The following GALR2 variants were observed in gnomAD, a reference collection of about 807,000 sequenced individuals.
GALR2 encodes galanin receptor type 2.
GALR2 carries 5 observed loss-of-function variants against 7.2 expected under a neutral mutation model. That is an observed-to-expected ratio of 0.69 (90% CI 0.36 to 1.45). The LOEUF (loss-of-function observed/expected upper bound fraction) is 1.45, where lower values mean the gene tolerates loss of function less well. Ranked by LOEUF, GALR2 falls within the 40% of genes most tolerant of loss-of-function variation. GALR2 has a pLI of 0.03. For missense variants in GALR2, 561 were observed against 555.7 expected, an observed-to-expected ratio of 1.01 and a Z score of -0.10; for synonymous variants, 300 against 263.9, an observed-to-expected ratio of 1.14 and a Z score of -1.32.
In GALR2 at chr17:76,075,910, G is replaced by A. The variant is rs985004844; in HGVS notation, c.368+659G>A. 4.6e-5 allele frequency among the ~76,000 whole-genome samples: 7 copies of A among 152,216 alleles called. No homozygotes were observed. ...AACAAGTCGGGGCCGGGAGAGGAGC[G>A]TGCCCTGGGGTTCTTCCTCCCCAGC... On this transcript the variant is annotated intron_variant, in intron 1 of 1. Transcript: ENST00000329003. The surrounding 1 kb of genome is among the most constrained non-coding windows in gnomAD (Gnocchi z 5.9).
chr17:76,072,626 G>T (rs1043524114), upstream of GALR2: 2 of 1,438,190 alleles, frequency 1.4e-6, no homozygotes, highest in African/African-American at 3.0e-5. This position sits in a 1 kb window ranked among gnomAD's most constrained non-coding sequence, Gnocchi z 4.5. Flanking sequence ...GCAGCAGGGC[G>T]CCATGTGCTG....
In GALR2 at chr17:76,074,902, C is replaced by G. The variant is rs1046308642; in HGVS notation, c.19C>G (p.Pro7Ala). The G allele has an allele frequency of 6.5e-7, 1 of 1,535,032 alleles. No individual in the cohort carries two copies. The highest frequency in any genetic ancestry group is 1.4e-5 in the African/African-American group (1 of 73,148). Residue 7 changes from proline to alanine, a missense_variant, in exon 1 of 2, where the codon CCA (proline) becomes GCA (alanine). Transcript: ENST00000329003. The surrounding 1 kb of genome is among the most constrained non-coding windows in gnomAD (Gnocchi z 6.7). MNVSGC[P>A]GAGNASQAGG... is the part of the protein sequence containing the mutation. ...CGGCACCATGAACGTCTCGGGCTGCCCAGGGGCCGGGAACGCGAGCCAGGC... is the reference window on the plus strand; with the variant it reads ...CGGCACCATGAACGTCTCGGGCTGCGCAGGGGCCGGGAACGCGAGCCAGGC...
At position 76,077,372 on chromosome 17, in the gene GALR2, G is replaced by A. The variant is rs2066897091; in HGVS notation, c.1105G>A (p.Gly369Ser). 1 of 1,457,768 alleles carries A rather than the reference G, an allele frequency of 6.9e-7. No homozygotes were observed. The highest frequency in any genetic ancestry group is 9.0e-7 in the Non-Finnish European group (1 of 1,109,336). 90.3% of individuals were successfully genotyped at this position (1,457,768 alleles called of 1,614,324 possible). ...GCCATGCATCCTCGAGCCCTGTCCT[G>A]GCCCGTCCTGGCAGGGCCCAAAGGC... ...SQPCILEPCP[G>S]PSWQGPKAGD... Residue 369 changes from glycine to serine, a missense_variant, in exon 2 of 2, where the codon GGC (glycine) becomes AGC (serine). Coordinates refer to ENST00000329003, the MANE Select transcript of GALR2 (RefSeq NM_003857.4).
At position 76,076,973 on chromosome 17, in the gene GALR2, C is replaced by T. The variant is rs749267257; in HGVS notation, c.706C>T (p.Arg236Cys). The stretch of plus-strand genomic sequence containing the variant: ...CCGGCGCGCCAAGCGCAAGGTGACA[C>T]GCATGATCCTCATCGTGGCCGCGCT... ...GARRAKRKVT[R>C]MILIVAALFC... The change falls in exon 2 of 2, where the codon CGC becomes TGC. Residue 236 changes from arginine (R) to cysteine (C), a missense_variant. By Grantham distance (180) the Arg-to-Cys change is radical (BLOSUM62 -3). Transcript: ENST00000329003. This position sits in a 1 kb window ranked among gnomAD's most constrained non-coding sequence, Gnocchi z 6.5. 7.5e-6 allele frequency: 12 copies of T among 1,606,740 alleles called. No homozygotes were observed. Among genetic ancestry groups the T allele is most frequent in the East Asian group, 6.7e-5 (3 of 44,870 alleles).
rs1339007487 is a variant in GALR2 at position 76,076,669 on chromosome 17, C to T, written c.402C>T (p.Arg134=). 5.0e-6 allele frequency: 8 copies of T among 1,596,008 alleles called. No homozygotes were observed. In the South Asian group the frequency reaches 8.8e-5, roughly 18 times the overall value. ...YLAIRYPLHS[R]ELRTPRNALA... is the part of the protein sequence containing the mutation. ...CCATCCGCTACCCGCTGCACTCCCGCGAGCTGCGCACGCCTCGAAACGCGC... is the reference window on the plus strand; with the variant it reads ...CCATCCGCTACCCGCTGCACTCCCGTGAGCTGCGCACGCCTCGAAACGCGC... Residue 134 remains arginine (R), a synonymous_variant, in exon 2 of 2, where the codon CGC becomes CGT. Transcript: ENST00000329003. The surrounding 1 kb of genome is among the most constrained non-coding windows in gnomAD (Gnocchi z 6.5).
upstream of GALR2, chr17:76,072,148 A>ACC (rs3837793): frequency 1.6e-3 from 2,074 of 1,263,772 alleles, 18 homozygotes; most frequent in African/African-American, 0.018. The surrounding 1 kb of genome is among the most constrained non-coding windows in gnomAD (Gnocchi z 4.5). Flanking sequence ...CGAGAGACAG[A>ACC]CCCCCCCCGG....
rs1283292238 is a variant in GALR2 at position 76,074,985 on chromosome 17, C to G, written c.102C>G (p.Leu34=). 1 of 1,604,774 alleles carries G rather than the reference C, an allele frequency of 6.2e-7. No individual in the cohort carries two copies. Among genetic ancestry groups the G allele is most frequent in the Non-Finnish European group, 8.5e-7 (1 of 1,179,538 alleles). Residue 34 remains leucine, a synonymous_variant, in exon 1 of 2, where the codon CTC becomes CTG. Transcript: ENST00000329003. This position sits in a 1 kb window ranked among gnomAD's most constrained non-coding sequence, Gnocchi z 6.7. ...TCATCGTGCCCCTGCTCTTCGCGCT[C>G]ATCTTCCTCGTGGGCACCGTGGGCA... ...EAVIVPLLFA[L]IFLVGTVGNT...
chr17:76,076,799 G>A lies in GALR2; in HGVS notation c.532G>A (p.Ala178Thr). 1 of 1,605,728 alleles carries A rather than the reference G, an allele frequency of 6.2e-7. No homozygotes were observed. Residue 178 changes from alanine to threonine, a missense_variant, in exon 2 of 2, where the codon GCG becomes ACG. Ala to Thr is a moderately conservative substitution (Grantham distance 58). Transcript: ENST00000329003. The surrounding 1 kb of genome is among the most constrained non-coding windows in gnomAD (Gnocchi z 6.5). ...GGCCAACCTGACCGTGTGCCATCCC[G>A]CGTGGAGCGCCCCTCGCCGCCGCGC... is the stretch of plus-strand genomic sequence containing the variant. Reference protein sequence around the residue: ...QLANLTVCHPAWSAPRRRAMD... With the variant: ...QLANLTVCHPTWSAPRRRAMD...
chr17:76,072,164 T>C, upstream of GALR2: 4 of 1,435,652 alleles, frequency 2.8e-6, no homozygotes, highest in South Asian at 1.3e-5. The surrounding 1 kb of genome is among the most constrained non-coding windows in gnomAD (Gnocchi z 4.5). Context: ...CCCGGAATTC[T>C]GAGCACCAAA....
At chr17:76,072,850 C>A (rs937235387), upstream of GALR2, among the ~76,000 whole-genome samples, 5 of 152,250 alleles carry the variant, frequency 3.3e-5, no homozygotes, top group Non-Finnish European at 5.9e-5. This position sits in a 1 kb window ranked among gnomAD's most constrained non-coding sequence, Gnocchi z 4.5. Flanking sequence ...AAGCAGGAGA[C>A]CAAAGATACT....
At chr17:76,074,667 C>A (rs1019750806), upstream of GALR2, 11 of 556,614 alleles carry the variant, frequency 2.0e-5, no homozygotes, top group Admixed American at 3.5e-4. This position sits in a 1 kb window ranked among gnomAD's most constrained non-coding sequence, Gnocchi z 6.7. Flanking sequence ...CCCAGCGCCG[C>A]CGGCCGCTGC....
In GALR2 at chr17:76,077,305, C is replaced by A. The variant is rs8192514; in HGVS notation, c.1038C>A (p.Ser346Arg). The change falls in exon 2 of 2, where the codon AGC (serine) becomes AGA (arginine). Residue 346 changes from serine (S) to arginine (R), a missense_variant. Transcript: ENST00000329003. Reference sequence around the variant, plus strand: ...AGTCCAGCGACCTGTTGCACATGAGCGAGGCGGCGGGGGCCCTTCGTCCCT... The same window carrying A: ...AGTCCAGCGACCTGTTGCACATGAGAGAGGCGGCGGGGGCCCTTCGTCCCT... The part of the protein sequence containing the change: ...ERESSDLLHM[S>R]EAAGALRPCP... 9.4e-6 allele frequency: 15 copies of A among 1,588,948 alleles called. No individual in the cohort carries two copies. The highest frequency in any genetic ancestry group is 1.6e-4 in the Middle Eastern group (1 of 6,068).
At position 76,075,331 on chromosome 17, in the gene GALR2, A is replaced by AGGGT; in HGVS notation, c.368+83_368+84insTGGG. 1 of 1,448,320 alleles carries AGGGT rather than the reference A, an allele frequency of 6.9e-7. No individual in the cohort carries two copies. The highest frequency in any genetic ancestry group is 9.4e-7 in the Non-Finnish European group (1 of 1,066,754). The allele number at this position is 1,448,320 out of a possible 1,614,324, so 89.7% of individuals were successfully genotyped here. On this transcript the variant is annotated intron_variant, in intron 1 of 1. Transcript: ENST00000329003. This position sits in a 1 kb window ranked among gnomAD's most constrained non-coding sequence, Gnocchi z 5.9. ...CGGGAGGCGGGACTGGGGACCAAGA[A>AGGGT]GGGACGCGCAGAGTGGGACAGGACA... is the stretch of plus-strand genomic sequence containing the variant.
At position 76,075,781 on chromosome 17, in the gene GALR2, G is replaced by C. The variant is rs762444322; in HGVS notation, c.368+530G>C. Among the ~76,000 whole-genome samples the C allele has an allele frequency of 1.4e-4, 21 of 152,196 alleles. No individual in the cohort carries two copies. The highest frequency in any genetic ancestry group is 2.4e-4 in the Non-Finnish European group (16 of 68,026). ...GCTGTGGATCTTGGGTCCTTTGCAA[G>C]GATCCACTCCGGAGTCCCAGCGAGC... On this transcript the variant is annotated intron_variant, in intron 1 of 1. Transcript: ENST00000329003. This position sits in a 1 kb window ranked among gnomAD's most constrained non-coding sequence, Gnocchi z 5.9.
upstream of GALR2, chr17:76,071,985 G>C: frequency 2.2e-6 from 1 of 457,076 alleles, no homozygotes; most frequent in Non-Finnish European, 3.9e-6. This position sits in a 1 kb window ranked among gnomAD's most constrained non-coding sequence, Gnocchi z 4.7. Context: ...AGTGGCTCAA[G>C]GTGCCAAAGC....
upstream of GALR2, chr17:76,072,154 C>CT: frequency 7.0e-7 from 1 of 1,435,972 alleles, no homozygotes; most frequent in Non-Finnish European, 9.4e-7. This position sits in a 1 kb window ranked among gnomAD's most constrained non-coding sequence, Gnocchi z 4.5. Context: ...ACAGACCCCC[C>CT]CCGGAATTCT....
rs569282575 is a variant in GALR2 at position 76,077,488 on chromosome 17, G to A, written c.*57G>A. On this transcript the variant is annotated 3_prime_UTR_variant, in exon 2 of 2. Transcript: ENST00000329003. ...GAGTTGGAGTCATTGTTGGGGGACCGTGGGGAGAGCTTTGCCTGTTAATAA... is the reference window on the plus strand; with the variant it reads ...GAGTTGGAGTCATTGTTGGGGGACCATGGGGAGAGCTTTGCCTGTTAATAA... 2.9e-6 allele frequency: 4 copies of A among 1,366,954 alleles called. No homozygotes were observed. The highest frequency in any genetic ancestry group is 3.9e-6 in the Non-Finnish European group (4 of 1,036,278). The allele number at this position is 1,366,954 out of a possible 1,614,324, so 84.7% of individuals were successfully genotyped here.
In GALR2 at chr17:76,076,923, A is replaced by C; in HGVS notation, c.656A>C (p.Asp219Ala). Residue 219 changes from aspartate to alanine, a missense_variant, in exon 2 of 2, where the codon GAC becomes GCC. Coordinates refer to ENST00000329003, the MANE Select transcript of GALR2 (RefSeq NM_003857.4). This position sits in a 1 kb window ranked among gnomAD's most constrained non-coding sequence, Gnocchi z 6.5. The part of the protein sequence containing the change: ...RTLRYLWRAV[D>A]PVAAGSGARR... The stretch of plus-strand genomic sequence containing the variant: ...TTGCGCTACCTCTGGCGCGCCGTCG[A>C]CCCGGTGGCCGCGGGCTCGGGTGCC... 1 of 1,601,932 alleles carries C rather than the reference A, an allele frequency of 6.2e-7. No homozygotes were observed. The highest frequency in any genetic ancestry group is 1.1e-5 in the South Asian group (1 of 90,950).
At chr17:76,072,637 G>C (rs1487445659), upstream of GALR2, 4 of 1,411,712 alleles carry the variant, frequency 2.8e-6, no homozygotes, top group African/African-American at 6.0e-5. The surrounding 1 kb of genome is among the most constrained non-coding windows in gnomAD (Gnocchi z 4.5). Context: ...CCATGTGCTG[G>C]AGCGCGCCTG....
Sources: gnomAD v4.1 joint callset for allele counts (sites outside exome capture counted in the v4.1 genomes callset) on GRCh38, gnomAD v4.1.1 for gene constraint, Gnocchi (gnomAD v3.1) non-coding constraint, MANE v1.5 for transcripts, NCBI Gene and HGNC (gene_info 2026-07-23, HGNC 2026-07-21) for gene names.